KIAA1549: variants seen among roughly 807,000 people sequenced by gnomAD.
The protein encoded by KIAA1549 is KIAA1549, also known as UPF0606 protein KIAA1549.
KIAA1549 carries 70 observed loss-of-function variants against 156.4 expected under a neutral mutation model. The observed-to-expected ratio is 0.45, with a 90% confidence interval of 0.37 to 0.55. The LOEUF (loss-of-function observed/expected upper bound fraction) is 0.55. Ranked by LOEUF, KIAA1549 falls within the 20% of genes least tolerant of loss-of-function variation. The pLI is 0.00. For synonymous variants in KIAA1549, 1,103 were observed against 1,066.4 expected (o/e 1.03, Z -0.67); for missense variants, 2,428 against 2,540.9 (o/e 0.96, Z 0.96).
In KIAA1549 at chr7:138,834,921, G is replaced by T; in HGVS notation, c.*2985C>A. 1 of 224,496 alleles carries T rather than the reference G, an allele frequency of 4.5e-6. No homozygotes were observed. Among genetic ancestry groups the T allele is most frequent in the East Asian group, 6.4e-5 (1 of 15,654 alleles). 13.9% of individuals were successfully genotyped at this position (224,496 alleles called of 1,614,324 possible). On this transcript the variant is annotated 3_prime_UTR_variant, in exon 20 of 20. Transcript: ENST00000422774. ...TTCTTGTTTGGCTTATGGGGAGAAT[G>T]AAGTTCAGAGAAGGAACCAGACATG...
intron 9 of KIAA1549, among the ~76,000 whole-genome samples, chr7:138,898,402 A>G (rs1811750527): frequency 6.6e-6 from 1 of 152,092 alleles, no homozygotes; most frequent in African/African-American, 2.4e-5. Context: ...CCTTCCAACA[A>G]TAATAAAGAA....
chr7:138,978,365 T>C (rs192355221), intron 1 of KIAA1549, among the ~76,000 whole-genome samples: 1 of 152,346 alleles, frequency 6.6e-6, no homozygotes, highest in Admixed American at 6.5e-5. Context: ...CTGGGCATGA[T>C]TCTTTGTTTT....
chr7:138,943,933 ATT>A (rs566032611), intron 1 of KIAA1549, among the ~76,000 whole-genome samples: 3 of 143,586 alleles, frequency 2.1e-5, no homozygotes, highest in Admixed American at 7.0e-5. Context: ...CTCTCTTAGC[ATT>A]TTTTTTTTTT....
At position 138,920,907 on chromosome 7, in the gene KIAA1549, A is replaced by G. The variant is rs57019778; in HGVS notation, c.188-1469T>C. Among the ~76,000 whole-genome samples the G allele has an allele frequency of 8.4e-3, 1,283 of 152,358 alleles. 13 individuals are homozygous for G. Among genetic ancestry groups the G allele is most frequent in the African/African-American group, 0.029 (1,223 of 41,586 alleles). ...ATCTTGAAACTGTCTACTTCAGAAC[A>G]TTTAAGATTGCTTAATAAATGTTTA... On this transcript the variant is annotated intron_variant, in intron 1 of 19. Coordinates refer to ENST00000422774, the MANE Select transcript of KIAA1549 (RefSeq NM_001164665.2).
rs1229829762 is a variant in KIAA1549 at position 138,917,444 on chromosome 7, C to A, written c.2182G>T (p.Glu728Ter). Residue 728 changes from glutamate (E) to a stop codon, truncating the protein, a stop_gained, in exon 2 of 20, where the codon GAG (glutamate) becomes TAG (stop). Transcript: ENST00000422774. LOFTEE classifies it high-confidence loss of function. ...GAAACCGTAGACGCTTCAACAAACTCGAGAGAATCAGAAGGGAAGCTTGAC... is the reference window on the plus strand; with the variant it reads ...GAAACCGTAGACGCTTCAACAAACTAGAGAGAATCAGAAGGGAAGCTTGAC... ...PWSSFPSDSL[E>*]FVEASTVSLT... 6.2e-7 allele frequency: 1 copy of A among 1,613,768 alleles called. No individual in the cohort carries two copies. The highest frequency in any genetic ancestry group is 8.5e-7 in the Non-Finnish European group (1 of 1,179,888).
intron 4 of KIAA1549, among the ~76,000 whole-genome samples, chr7:138,910,566 T>G (rs938162392): frequency 1.4e-4 from 22 of 151,954 alleles, no homozygotes; most frequent in African/African-American, 5.3e-4. Flanking sequence ...TCTGGCTAAT[T>G]TTTGTATTTT....
chr7:138,946,212 A>G (rs1813331591), intron 1 of KIAA1549, among the ~76,000 whole-genome samples: 1 of 152,180 alleles, frequency 6.6e-6, no homozygotes, highest in African/African-American at 2.4e-5. Flanking sequence ...GAGGCTTGTT[A>G]TTCTCTGCTT....
intron 12 of KIAA1549, among the ~76,000 whole-genome samples, chr7:138,871,682 G>A (rs1452532458): frequency 6.6e-6 from 1 of 152,228 alleles, no homozygotes; most frequent in Non-Finnish European, 1.5e-5. Context: ...AGGACAGAAG[G>A]AGCCTGAAGT....
In KIAA1549 at chr7:138,918,577, G is replaced by T. The variant is rs753963741; in HGVS notation, c.1049C>A (p.Ala350Glu). ...RTYPTVTASH[A>E]ALAFSRTHSP... ...ATGTGTCCTGCTGAATGCAAGGGCT[G>T]CGTGCGATGCAGTCACAGTGGGGTA... Residue 350 changes from alanine to glutamate, a missense_variant, in exon 2 of 20, where the codon GCA becomes GAA. Physicochemically the swap from Ala to Glu is moderately radical, Grantham distance 107. Around this residue, in one of 5 missense-constraint regions of KIAA1549, gnomAD observed 893 missense variants for 847.9 expected, o/e 1.05. Coordinates refer to ENST00000422774, the MANE Select transcript of KIAA1549 (RefSeq NM_001164665.2). This position sits in a 1 kb window ranked among gnomAD's most constrained non-coding sequence, Gnocchi z 4.2. The T allele has an allele frequency of 8.7e-6, 14 of 1,614,032 alleles. No homozygotes were observed. The highest frequency in any genetic ancestry group is 1.3e-5 in the African/African-American group (1 of 75,054).
chr7:138,895,007 C>T (rs1379734602), intron 9 of KIAA1549, among the ~76,000 whole-genome samples: 1 of 152,210 alleles, frequency 6.6e-6, no homozygotes, highest in Admixed American at 6.5e-5. Flanking sequence ...GCACATGCAT[C>T]TCAACTAGGA....
intron 1 of KIAA1549, among the ~76,000 whole-genome samples, chr7:138,931,966 G>C (rs1038796187): frequency 6.6e-6 from 1 of 152,030 alleles, no homozygotes; most frequent in African/African-American, 2.4e-5. Context: ...GTTCCTGGAG[G>C]TGTGTGGTGG....
At chr7:138,924,187 T>C (rs924998499) in intron 1 of KIAA1549, among the ~76,000 whole-genome samples, 1 of 147,766 alleles carries the variant, frequency 6.8e-6, no homozygotes, top group South Asian at 2.2e-4. Context: ...CTTTTCTTTT[T>C]TTTTTTTCTT....
At chr7:138,854,515 C>T (rs114337174) in intron 16 of KIAA1549, among the ~76,000 whole-genome samples, 1 of 152,044 alleles carries the variant, frequency 6.6e-6, no homozygotes. Flanking sequence ...ACTGAAGGCA[C>T]CTTGAAATCC....
intron 17 of KIAA1549, among the ~76,000 whole-genome samples, chr7:138,848,951 T>C (rs1810159685): frequency 6.6e-6 from 1 of 152,198 alleles, no homozygotes; most frequent in Admixed American, 6.5e-5. Context: ...TGGGGTAGTT[T>C]CAAACGCCTG....
At chr7:138,876,433 C>T (rs542098472) in intron 12 of KIAA1549, 4 of 152,334 alleles carry the variant, frequency 2.6e-5, no homozygotes, top group African/African-American at 7.2e-5. Flanking sequence ...TGTTGCCTTT[C>T]AATTTTAGTC....
At chr7:138,838,829 T>C (rs972867227) in intron 19 of KIAA1549, among the ~76,000 whole-genome samples, 4 of 152,124 alleles carry the variant, frequency 2.6e-5, no homozygotes, top group African/African-American at 4.8e-5. Flanking sequence ...CTTCTCCAAA[T>C]AGTGACCGAG....
At chr7:138,951,782 A>C (rs1260769307) in intron 1 of KIAA1549, among the ~76,000 whole-genome samples, 1 of 152,254 alleles carries the variant, frequency 6.6e-6, no homozygotes, top group African/African-American at 2.4e-5. Flanking sequence ...AGAAAACTAT[A>C]CAAGAAAAGA....
At chr7:138,841,302 T>C (rs900330887) in intron 18 of KIAA1549, among the ~76,000 whole-genome samples, 1 of 152,194 alleles carries the variant, frequency 6.6e-6, no homozygotes, top group Non-Finnish European at 1.5e-5. Flanking sequence ...TATTGAAGTA[T>C]ATTTTCATTA....
intron 10 of KIAA1549, among the ~76,000 whole-genome samples, chr7:138,888,069 T>G (rs553275156): frequency 6.6e-6 from 1 of 152,320 alleles, no homozygotes; most frequent in South Asian, 2.1e-4. Flanking sequence ...ATGTGACAAC[T>G]GTAATCTTCA....
Sources: gnomAD v4.1 joint callset for allele counts (sites outside exome capture counted in the v4.1 genomes callset) on GRCh38, gnomAD v4.1.1 for gene constraint, gnomAD v4.1.1 regional missense constraint, Gnocchi (gnomAD v3.1) non-coding constraint, MANE v1.5 for transcripts, NCBI Gene and HGNC (gene_info 2026-07-23, HGNC 2026-07-21) for gene names.